The following ATG3 variants were observed in gnomAD, a reference collection of about 807,000 sequenced individuals.
ATG3 encodes the protein autophagy related 3, also known as ubiquitin-like-conjugating enzyme ATG3.
A neutral mutation model predicts 50.7 loss-of-function variants in ATG3; 25 were observed. That is an observed-to-expected ratio of 0.49 (90% CI 0.36 to 0.69). The LOEUF is 0.69. Ranked by LOEUF, ATG3 falls within the 30% of genes least tolerant of loss-of-function variation. The probability of loss-of-function intolerance (pLI) is 0.00; values close to 1 mark genes in which losing one functional copy is unlikely to be tolerated. For missense variants in ATG3, 281 were observed against 376.0 expected, an observed-to-expected ratio of 0.75 and a Z score of 2.09; for synonymous variants, 119 against 125.5, an observed-to-expected ratio of 0.95 and a Z score of 0.34.
At chr3:112,559,951 G>T (rs1230941451) in intron 1 of ATG3, among the ~76,000 whole-genome samples, 1 of 152,190 alleles carries the variant, frequency 6.6e-6, no homozygotes, top group African/African-American at 2.4e-5. Flanking sequence ...CCCTAAGCAG[G>T]AAACTGTAAG....
chr3:112,541,938 C>T, intron 6 of ATG3, 54 bp from the exon 7 acceptor site: 3 of 1,402,392 alleles, frequency 2.1e-6, no homozygotes, highest in East Asian at 2.4e-5. Flanking sequence ...AATTTGAACA[C>T]TGAACACCCA....
At chr3:112,545,438 T>C (rs1299526676) in intron 5 of ATG3, among the ~76,000 whole-genome samples, 4 of 152,204 alleles carry the variant, frequency 2.6e-5, no homozygotes, top group Non-Finnish European at 5.9e-5. Context: ...GTACAGAATA[T>C]GCTTAGCTCC....
intron 7 of ATG3, among the ~76,000 whole-genome samples, chr3:112,538,630 G>A (rs990206186): frequency 6.6e-6 from 1 of 152,236 alleles, no homozygotes; most frequent in Middle Eastern, 3.4e-3. Flanking sequence ...TGCTGTTTCA[G>A]TATCTTCTAT....
At chr3:112,546,271 G>A (rs1459263309) in intron 5 of ATG3, among the ~76,000 whole-genome samples, 1 of 152,200 alleles carries the variant, frequency 6.6e-6, no homozygotes, top group Non-Finnish European at 1.5e-5. Flanking sequence ...GAGGGTGTCT[G>A]AAAGCACAGA....
chr3:112,536,374 ATT>A (rs755912718), intron 10 of ATG3, 99 bp downstream of exon 10: 16 of 1,422,176 alleles, frequency 1.1e-5, no homozygotes, highest in Non-Finnish European at 1.5e-5. Context: ...TAGTAAGAAA[ATT>A]TTTTTCTGTT....
chr3:112,556,948 A>T (rs1052076630), intron 2 of ATG3, among the ~76,000 whole-genome samples: 13 of 151,540 alleles, frequency 8.6e-5, no homozygotes, highest in African/African-American at 3.2e-4. Context: ...TTATCTGCTG[A>T]CCTTCCCTCC....
At chr3:112,553,943 C>T (rs897925081) in intron 2 of ATG3, among the ~76,000 whole-genome samples, 4 of 152,096 alleles carry the variant, frequency 2.6e-5, no homozygotes, top group Admixed American at 6.5e-5. Flanking sequence ...CTGAAAACAC[C>T]TACAAAATTA....
At chr3:112,541,378 C>T (rs1003978774) in intron 7 of ATG3, among the ~76,000 whole-genome samples, 5 of 150,114 alleles carry the variant, frequency 3.3e-5, no homozygotes, top group Admixed American at 6.6e-5. Flanking sequence ...AGTGAGACTC[C>T]GTCTCAAAAA....
Position 112,536,061 on chromosome 3 carries a change from T to C in ATG3, c.794+414A>G, listed in dbSNP as rs79024054. 7.7e-3 allele frequency: 1,293 copies of C among 168,754 alleles called. 20 individuals carry two copies. Among genetic ancestry groups the C allele is most frequent in the African/African-American group, 0.029 (1,220 of 41,574 alleles). 10.5% of individuals were successfully genotyped at this position (168,754 alleles called of 1,614,324 possible). A position where few individuals can be genotyped will look rare whatever the true frequency, so the allele number is the denominator to read the frequency against. On this transcript the variant is annotated intron_variant, in intron 10 of 11. Transcript: ENST00000283290. ...TCACTAATCAATAAAAGAAAGCAAA[T>C]AGGTCACCTAGAAAAATCACAAGGT...
chr3:112,546,044 C>A (rs549092692), intron 5 of ATG3, among the ~76,000 whole-genome samples: 20 of 150,706 alleles, frequency 1.3e-4, no homozygotes, highest in Admixed American at 3.4e-4. Context: ...ACTAAAGCTG[C>A]AATATCAACA....
intron 3 of ATG3, among the ~76,000 whole-genome samples, chr3:112,552,603 T>C (rs572285078): frequency 2.7e-5 from 4 of 150,750 alleles, no homozygotes; most frequent in Admixed American, 6.6e-5. Context: ...GCCACAAACA[T>C]GTTCAGTAAA....
chr3:112,551,688 A>C (rs893371519), intron 3 of ATG3, among the ~76,000 whole-genome samples: 5 of 152,192 alleles, frequency 3.3e-5, no homozygotes. Context: ...TATAGAAAAA[A>C]ACCTGAATCA....
intron 2 of ATG3, chr3:112,558,085 T>G (rs1253245920): frequency 5.7e-6 from 2 of 352,148 alleles, no homozygotes; most frequent in South Asian, 4.1e-5. Flanking sequence ...CAGCTCAATA[T>G]AACACCAATA....
intron 7 of ATG3, among the ~76,000 whole-genome samples, chr3:112,539,084 A>T (rs991587397): frequency 1.3e-5 from 2 of 152,058 alleles, no homozygotes; most frequent in African/African-American, 4.8e-5. Context: ...ACTGTTTCTC[A>T]TCCCTACCAA....
At chr3:112,539,136 A>T (rs1385993088) in intron 7 of ATG3, among the ~76,000 whole-genome samples, 1 of 152,170 alleles carries the variant, frequency 6.6e-6, no homozygotes, top group Non-Finnish European at 1.5e-5. Flanking sequence ...TCTTGCCTAG[A>T]TTATCAAACA....
chr3:112,532,836 C>T lies in ATG3; in HGVS notation c.864-56G>A, dbSNP rs2082565903. 8.1e-6 allele frequency: 12 copies of T among 1,484,966 alleles called. No homozygotes were observed. The South Asian group carries it at 1.6e-4, about 20-fold the overall frequency. 92.0% of individuals were successfully genotyped at this position (1,484,966 alleles called of 1,614,324 possible). On this transcript the variant is annotated intron_variant, in intron 11 of 11. Transcript: ENST00000283290. ...TTGTAAATAGTTCTATGTTTTAAGC[C>T]CATGTTGTAATTATCCATTTTATTA...
chr3:112,532,608 TATATTGATGA>T lies in ATG3; in HGVS notation c.*81_*90del. On this transcript the variant is annotated 3_prime_UTR_variant, in exon 12 of 12. Coordinates refer to ENST00000283290, the MANE Select transcript of ATG3 (RefSeq NM_022488.5). ...TAAGTCCCTTATTAGAGAAACTGTA[TATATTGATGA>T]ATATGGTCAATGGTCACATCTATGG... is the stretch of plus-strand genomic sequence containing the variant. 1.1e-6 allele frequency: 1 copy of T among 921,512 alleles called. No individual in the cohort carries two copies. Among genetic ancestry groups the T allele is most frequent in the Non-Finnish European group, 1.5e-6 (1 of 651,268 alleles). The allele number at this position is 921,512 out of a possible 1,614,324, so 57.1% of individuals were successfully genotyped here.
At chr3:112,549,251 A>G (rs1026759495) in intron 4 of ATG3, among the ~76,000 whole-genome samples, 2 of 152,182 alleles carry the variant, frequency 1.3e-5, no homozygotes, top group Admixed American at 1.3e-4. Context: ...AGATTGGGTA[A>G]TTATATGGTA....
intron 11 of ATG3, chr3:112,533,790 G>A (rs1428635328): frequency 2.9e-5 from 29 of 985,248 alleles, no homozygotes; most frequent in African/African-American, 3.5e-5. Context: ...ATACAAGAAA[G>A]GTGCTACTGT....
Sources: gnomAD v4.1 joint callset for allele counts (sites outside exome capture counted in the v4.1 genomes callset) on GRCh38, gnomAD v4.1.1 for gene constraint, MANE v1.5 for transcripts, NCBI Gene and HGNC (gene_info 2026-07-23, HGNC 2026-07-21) for gene names.